ETV6: variants seen among roughly 807,000 people sequenced by gnomAD.
The protein encoded by ETV6 is transcription factor ETV6.
In ETV6, 16 loss-of-function variants were observed where a neutral mutation model predicts 51.1. The ratio of observed to expected loss-of-function variants is 0.31; its 90% CI spans 0.21 to 0.48. The LOEUF is 0.48. Ranked by LOEUF, ETV6 falls within the 20% of genes least tolerant of loss-of-function variation. The pLI, the probability that ETV6 is intolerant of heterozygous loss-of-function variation, is 0.99. For missense variants in ETV6, 458 were observed against 594.8 expected (o/e 0.77, Z 2.39); for synonymous variants, 240 against 224.1 (o/e 1.07, Z -0.64).
At chr12:11,687,339 C>T (rs1049114133) in intron 1 of ETV6, among the ~76,000 whole-genome samples, 1 of 151,352 alleles carries the variant, frequency 6.6e-6, no homozygotes, top group South Asian at 2.1e-4. Flanking sequence ...TGTCACCATG[C>T]CCGGCTAATT....
chr12:11,860,099 C>T (rs916548549), intron 4 of ETV6, among the ~76,000 whole-genome samples: 2 of 152,152 alleles, frequency 1.3e-5, no homozygotes, highest in East Asian at 3.8e-4. Context: ...CTGTCACCTA[C>T]CCCCTGAGGA....
chr12:11,886,552 C>G (rs775849369), intron 7 of ETV6, among the ~76,000 whole-genome samples: 2 of 151,940 alleles, frequency 1.3e-5, no homozygotes, highest in Non-Finnish European at 2.9e-5. Flanking sequence ...ACAGTTGATT[C>G]ATGAAAATGT....
chr12:11,790,800 C>T (rs1222387623), intron 2 of ETV6, among the ~76,000 whole-genome samples: 1 of 151,656 alleles, frequency 6.6e-6, no homozygotes. Flanking sequence ...GCCTCAGCCT[C>T]CCTAGTAGCT....
intron 7 of ETV6, among the ~76,000 whole-genome samples, chr12:11,888,840 G>A (rs144389459): frequency 1.2e-4 from 18 of 152,206 alleles, no homozygotes; most frequent in South Asian, 8.3e-4. Context: ...TAGCTAGAGC[G>A]ACTACAGGAT....
chr12:11,796,537 C>T (rs924136779), intron 2 of ETV6, among the ~76,000 whole-genome samples: 4 of 152,134 alleles, frequency 2.6e-5, no homozygotes, highest in Non-Finnish European at 5.9e-5. Context: ...AACCACCAGC[C>T]AGCCCTCCCA....
rs1438730406 is a variant in ETV6 at position 11,760,080 on chromosome 12, T to C, written c.163+7501T>C. ...TGTACCATGTGTGAGTGTTTTGTGGTTCATTTTTCTGATCTCTTCTGAAGG... is the reference window on the plus strand; with the variant it reads ...TGTACCATGTGTGAGTGTTTTGTGGCTCATTTTTCTGATCTCTTCTGAAGG... On this transcript the variant is annotated intron_variant, in intron 2 of 7. Transcript: ENST00000396373. Among the ~76,000 whole-genome samples, 13 of 152,230 alleles carry C rather than the reference T, an allele frequency of 8.5e-5. 1 individual carries two copies. Among genetic ancestry groups the C allele is most frequent in the African/African-American group, 3.1e-4 (13 of 41,468 alleles).
chr12:11,737,489 T>C (rs958886548), intron 1 of ETV6, among the ~76,000 whole-genome samples: 10 of 152,382 alleles, frequency 6.6e-5, no homozygotes, highest in East Asian at 3.9e-4. Context: ...ATTTGCCCTG[T>C]CATGTAGATG....
chr12:11,790,252 C>A (rs1945561659), intron 2 of ETV6, among the ~76,000 whole-genome samples: 1 of 152,008 alleles, frequency 6.6e-6, no homozygotes, highest in Non-Finnish European at 1.5e-5. Context: ...TGTCTGTTTT[C>A]CCCACGTTGC....
At chr12:11,657,088 G>A (rs1026898546) in intron 1 of ETV6, among the ~76,000 whole-genome samples, 3 of 152,134 alleles carry the variant, frequency 2.0e-5, no homozygotes, top group African/African-American at 7.2e-5. Flanking sequence ...GATTTTGAAC[G>A]ACTCTAGTGA....
chr12:11,693,138 G>A (rs1864798940), intron 1 of ETV6, among the ~76,000 whole-genome samples: 1 of 152,162 alleles, frequency 6.6e-6, no homozygotes, highest in Non-Finnish European at 1.5e-5. Context: ...CTCCTTGGGA[G>A]AGAAGACTTA....
chr12:11,863,724 C>T (rs557669034), intron 4 of ETV6, among the ~76,000 whole-genome samples: 44 of 152,316 alleles, frequency 2.9e-4, no homozygotes, highest in African/African-American at 7.5e-4. Flanking sequence ...TTCCTGTGTC[C>T]GGAGCTTCTC....
chr12:11,732,318 T>C (rs1255801140), intron 1 of ETV6, among the ~76,000 whole-genome samples: 1 of 152,220 alleles, frequency 6.6e-6, no homozygotes, highest in Non-Finnish European at 1.5e-5. Flanking sequence ...ACTACCTGAT[T>C]TCCGAAACAA....
chr12:11,766,286 T>C (rs1945159953), intron 2 of ETV6, among the ~76,000 whole-genome samples: 1 of 152,206 alleles, frequency 6.6e-6, no homozygotes, highest in African/African-American at 2.4e-5. Context: ...AGGAATTTCC[T>C]GTGTGGGCAG....
At chr12:11,827,080 A>T (rs1044415413) in intron 2 of ETV6, among the ~76,000 whole-genome samples, 29 of 148,712 alleles carry the variant, frequency 2.0e-4, no homozygotes, top group African/African-American at 4.8e-4. Context: ...TCACACACAC[A>T]CACACACACA....
At chr12:11,683,519 T>C (rs572939941) in intron 1 of ETV6, among the ~76,000 whole-genome samples, 9 of 152,342 alleles carry the variant, frequency 5.9e-5, no homozygotes, top group Admixed American at 2.0e-4. Context: ...TGCTCATCCT[T>C]TTTTGATGGA....
At chr12:11,881,066 T>C (rs958286900) in intron 5 of ETV6, among the ~76,000 whole-genome samples, 2 of 152,080 alleles carry the variant, frequency 1.3e-5, no homozygotes, top group African/African-American at 4.8e-5. Context: ...GCCTCCCAAC[T>C]AGCTGGGATT....
chr12:11,721,730 C>G (rs903690768), intron 1 of ETV6, among the ~76,000 whole-genome samples: 8 of 152,180 alleles, frequency 5.3e-5, no homozygotes, highest in Non-Finnish European at 1.0e-4. Flanking sequence ...CTAAATTGTT[C>G]TAGAATTAAG....
At chr12:11,726,909 G>A (rs1219167775) in intron 1 of ETV6, among the ~76,000 whole-genome samples, 2 of 152,246 alleles carry the variant, frequency 1.3e-5, no homozygotes, top group Non-Finnish European at 2.9e-5. Flanking sequence ...CACTTCATCT[G>A]CACAGCCTTT....
intron 2 of ETV6, among the ~76,000 whole-genome samples, chr12:11,802,553 C>G (rs116452071): frequency 0.011 from 1,695 of 152,300 alleles, 34 homozygotes; most frequent in African/African-American, 0.039. Context: ...TAATCCTTGT[C>G]ATTGTCAGAC....
Sources: allele counts gnomAD v4.1 joint callset (sites outside exome capture counted in the v4.1 genomes callset), GRCh38; gene constraint gnomAD v4.1.1; transcripts MANE v1.5; gene names NCBI Gene and HGNC (gene_info 2026-07-23, HGNC 2026-07-21).